The following PTPRT variants were observed in gnomAD, a reference collection of about 807,000 sequenced individuals.
PTPRT encodes receptor-type tyrosine-protein phosphatase T.
In PTPRT, 56 loss-of-function variants were observed where a neutral mutation model predicts 176.8. That is an observed-to-expected ratio of 0.32 (90% CI 0.26 to 0.40). PTPRT has a LOEUF of 0.40. PTPRT is among the 10% of genes least tolerant of loss of function. The probability of loss-of-function intolerance (pLI) is 1.00; values close to 1 mark genes in which losing one functional copy is unlikely to be tolerated. For synonymous variants in PTPRT, 783 were observed against 739.0 expected (o/e 1.06, Z -0.96); for missense variants, 1,540 against 1,908.2 (o/e 0.81, Z 3.60).
chr20:42,520,124 C>G (rs910195571), intron 7 of PTPRT, among the ~76,000 whole-genome samples: 1 of 152,042 alleles, frequency 6.6e-6, no homozygotes, highest in African/African-American at 2.4e-5. Flanking sequence ...TTGTATGAAA[C>G]TTCTCAACTT....
chr20:42,888,780 G>A (rs1468341476), intron 1 of PTPRT, among the ~76,000 whole-genome samples: 3 of 152,116 alleles, frequency 2.0e-5, no homozygotes, highest in Non-Finnish European at 4.4e-5. Context: ...ATGGGCTCTG[G>A]ACATGGCACA....
chr20:42,708,422 G>A (rs1486619912), intron 6 of PTPRT, among the ~76,000 whole-genome samples: 2 of 152,180 alleles, frequency 1.3e-5, no homozygotes, highest in Non-Finnish European at 2.9e-5. Flanking sequence ...CCACTGGAGA[G>A]AGAGATTTCT....
intron 1 of PTPRT, among the ~76,000 whole-genome samples, chr20:43,004,601 T>G (rs547250305): frequency 1.6e-4 from 24 of 152,264 alleles, no homozygotes; most frequent in South Asian, 1.2e-3. Context: ...TTTAATAAAA[T>G]AAGGCATAGC....
Position 43,134,059 on chromosome 20 carries a change from G to A in PTPRT, c.88+55587C>T, listed in dbSNP as rs139305891. Among the ~76,000 whole-genome samples the A allele has an allele frequency of 1.1e-3, 165 of 152,232 alleles. 2 individuals are homozygous for A. In the East Asian group the frequency reaches 0.03, roughly 27 times the overall value. ...GGATCAGTCTGAGCTTCGATTCCAC[G>A]GGACATGGAGGAACAGAGGGACATG... is the stretch of plus-strand genomic sequence containing the variant. On this transcript the variant is annotated intron_variant, in intron 1 of 30. Transcript: ENST00000373187.
intron 1 of PTPRT, among the ~76,000 whole-genome samples, chr20:42,915,594 T>C (rs1463198376): frequency 6.6e-6 from 1 of 152,154 alleles, no homozygotes; most frequent in Admixed American, 6.5e-5. Context: ...ACTCAGTTGA[T>C]TGGTTATCTA....
intron 2 of PTPRT, among the ~76,000 whole-genome samples, chr20:42,811,341 G>A (rs2145620188): frequency 6.6e-6 from 1 of 152,158 alleles, no homozygotes; most frequent in African/African-American, 2.4e-5. Flanking sequence ...AGAATAGGTG[G>A]AAATAAATAC....
intron 7 of PTPRT, among the ~76,000 whole-genome samples, chr20:42,500,032 G>T (rs565116030): frequency 6.6e-6 from 1 of 151,978 alleles, no homozygotes; most frequent in Admixed American, 6.6e-5. Flanking sequence ...TTTGTAATTT[G>T]AGTTTTTTTA....
intron 27 of PTPRT, among the ~76,000 whole-genome samples, chr20:42,091,207 T>C (rs1185144117): frequency 6.6e-6 from 1 of 152,236 alleles, no homozygotes; most frequent in Non-Finnish European, 1.5e-5. Context: ...ACAGCTGCCA[T>C]ACATTATTCC....
At chr20:42,261,791 A>T (rs971248411) in intron 13 of PTPRT, among the ~76,000 whole-genome samples, 1 of 152,194 alleles carries the variant, frequency 6.6e-6, no homozygotes, top group Non-Finnish European at 1.5e-5. Context: ...AACTCTGGCC[A>T]AATTGATCCC....
chr20:43,118,469 ACT>A (rs1451018767), intron 1 of PTPRT, among the ~76,000 whole-genome samples: 1 of 151,972 alleles, frequency 6.6e-6, no homozygotes, highest in Non-Finnish European at 1.5e-5. Flanking sequence ...AATGAGTCTC[ACT>A]CTGTCACCCA....
At chr20:42,298,536 A>G (rs1486539317) in intron 12 of PTPRT, among the ~76,000 whole-genome samples, 1 of 152,218 alleles carries the variant, frequency 6.6e-6, no homozygotes, top group African/African-American at 2.4e-5. Context: ...ATATGTGCAC[A>G]AGTTCCTTGA....
At chr20:42,467,380 TC>T in intron 8 of PTPRT, among the ~76,000 whole-genome samples, 1 of 152,306 alleles carries the variant, frequency 6.6e-6, no homozygotes, top group South Asian at 2.1e-4. Flanking sequence ...GTACTGGGAC[TC>T]CCTGACATTA....
chr20:42,435,034 C>T (rs2059250170), intron 9 of PTPRT, among the ~76,000 whole-genome samples: 1 of 151,450 alleles, frequency 6.6e-6, no homozygotes, highest in Non-Finnish European at 1.5e-5. Context: ...GAAAAGAAAA[C>T]AAAAAGAAAA....
chr20:42,749,084 G>A (rs2076732133), intron 6 of PTPRT, among the ~76,000 whole-genome samples: 1 of 152,126 alleles, frequency 6.6e-6, no homozygotes, highest in African/African-American at 2.4e-5. Context: ...CCAGCTGTCT[G>A]ACAATGGTTT....
chr20:42,225,216 AC>A (rs2055978523), intron 15 of PTPRT, among the ~76,000 whole-genome samples: 1 of 151,960 alleles, frequency 6.6e-6, no homozygotes, highest in Non-Finnish European at 1.5e-5. Flanking sequence ...CTTCTACTTA[AC>A]CTATATCTGC....
intron 7 of PTPRT, among the ~76,000 whole-genome samples, chr20:42,611,151 T>C (rs187578484): frequency 1.3e-5 from 2 of 152,348 alleles, no homozygotes; most frequent in Non-Finnish European, 2.9e-5. Flanking sequence ...AGGTTTCCTG[T>C]GGATGTATGT....
intron 11 of PTPRT, among the ~76,000 whole-genome samples, chr20:42,327,077 A>AGG (rs1231285801): frequency 2.6e-5 from 3 of 115,812 alleles, no homozygotes; most frequent in African/African-American, 8.2e-5. Context: ...TGGACTAGGT[A>AGG]GGGGTGTGTG....
At chr20:42,471,730 A>C (rs1407643778) in intron 8 of PTPRT, among the ~76,000 whole-genome samples, 1 of 151,946 alleles carries the variant, frequency 6.6e-6, no homozygotes, top group Admixed American at 6.6e-5. Context: ...ATCTCGGCTC[A>C]CTGCAACCTC....
At position 42,518,644 on chromosome 20, in the gene PTPRT, CGTGA is replaced by C. The variant is rs761998094; in HGVS notation, c.1154-46086_1154-46083del. ...TTAATTCTTTGTGTGTGCGCACGTG[CGTGA>C]GTATGTGTATTGTCTTTCTTCCTTT... On this transcript the variant is annotated intron_variant, in intron 7 of 30. Transcript: ENST00000373187. Among the ~76,000 whole-genome samples the C allele has an allele frequency of 3.6e-4, 54 of 151,970 alleles. 1 individual carries two copies. The highest frequency in any genetic ancestry group is 5.4e-4 in the Non-Finnish European group (37 of 67,904).
Sources: gnomAD v4.1 joint callset for allele counts (sites outside exome capture counted in the v4.1 genomes callset) on GRCh38, gnomAD v4.1.1 for gene constraint, MANE v1.5 for transcripts, NCBI Gene and HGNC (gene_info 2026-07-23, HGNC 2026-07-21) for gene names.